Variants in EXOC4 observed in about 807,000 individuals in gnomAD.
EXOC4 encodes the protein exocyst complex component 4, also known as SEC8-like 1.
Under a neutral mutation model 107.2 loss-of-function variants are expected in EXOC4, and 71 were observed. That is an observed-to-expected ratio of 0.66 (90% CI 0.55 to 0.81). The LOEUF (loss-of-function observed/expected upper bound fraction) is 0.81. Among genes scored for constraint, EXOC4 ranks in the 30% least tolerant of loss-of-function variants. The pLI is 0.00. For synonymous variants in EXOC4, 456 were observed against 441.2 expected (o/e 1.03, Z -0.42); for missense variants, 1,108 against 1,189.6 (o/e 0.93, Z 1.01).
intron 9 of EXOC4, among the ~76,000 whole-genome samples, chr7:133,588,399 A>G (rs1288977290): frequency 1.3e-5 from 2 of 152,152 alleles, no homozygotes; most frequent in Non-Finnish European, 2.9e-5. Context: ...TTGTTTCAGT[A>G]TTTATGGTTT....
intron 10 of EXOC4, among the ~76,000 whole-genome samples, chr7:133,653,378 T>C (rs1803209117): frequency 1.3e-5 from 2 of 152,344 alleles, no homozygotes; most frequent in Admixed American, 6.5e-5. Flanking sequence ...GAATACTCAC[T>C]GTACTAAGAT....
chr7:133,476,651 A>G (rs1201303308), intron 8 of EXOC4, among the ~76,000 whole-genome samples: 2 of 152,190 alleles, frequency 1.3e-5, no homozygotes, highest in Non-Finnish European at 2.9e-5. Context: ...AATGAAATCT[A>G]TTCTGTTTAT....
At chr7:134,054,849 A>G (rs924632408) in intron 17 of EXOC4, among the ~76,000 whole-genome samples, 23 of 152,306 alleles carry the variant, frequency 1.5e-4, no homozygotes, top group Admixed American at 7.2e-4. Context: ...TTGTCAGAGT[A>G]TTTGGGTCTT....
At chr7:133,775,209 T>A (rs956853900) in intron 10 of EXOC4, among the ~76,000 whole-genome samples, 1 of 152,222 alleles carries the variant, frequency 6.6e-6, no homozygotes, top group African/African-American at 2.4e-5. Flanking sequence ...CAGGATTTCT[T>A]AATGTCTTTA....
chr7:133,689,823 T>C (rs1365284954), intron 10 of EXOC4, among the ~76,000 whole-genome samples: 1 of 152,168 alleles, frequency 6.6e-6, no homozygotes, highest in Non-Finnish European at 1.5e-5. Flanking sequence ...AAGACAAAAT[T>C]ACAACAAATT....
intron 17 of EXOC4, among the ~76,000 whole-genome samples, chr7:134,056,367 C>A (rs1375252255): frequency 6.6e-6 from 1 of 152,034 alleles, no homozygotes; most frequent in Non-Finnish European, 1.5e-5. Context: ...AAAATGAAGG[C>A]CCTAAATAAA....
chr7:133,439,666 G>C (rs1235979024), intron 7 of EXOC4, among the ~76,000 whole-genome samples: 1 of 152,152 alleles, frequency 6.6e-6, no homozygotes, highest in African/African-American at 2.4e-5. Context: ...ACTGACACAT[G>C]GTTACTTGGG....
chr7:133,943,857 A>T (rs1176523275), intron 14 of EXOC4, among the ~76,000 whole-genome samples: 1 of 152,030 alleles, frequency 6.6e-6, no homozygotes, highest in Non-Finnish European at 1.5e-5. Flanking sequence ...TGCTATAGTG[A>T]CCCTTTTCCA....
intron 10 of EXOC4, among the ~76,000 whole-genome samples, chr7:133,807,457 T>C (rs1285884616): frequency 6.6e-6 from 1 of 152,188 alleles, no homozygotes. Flanking sequence ...TTAGAGTCTC[T>C]GAAGGTCAAA....
At chr7:133,931,546 T>C (rs886159517) in intron 13 of EXOC4, among the ~76,000 whole-genome samples, 1 of 152,200 alleles carries the variant, frequency 6.6e-6, no homozygotes, top group Admixed American at 6.5e-5. Context: ...ACAAAAGTTA[T>C]GCTGCTAGGA....
At chr7:133,617,830 A>G (rs1802230791) in intron 9 of EXOC4, among the ~76,000 whole-genome samples, 1 of 152,166 alleles carries the variant, frequency 6.6e-6, no homozygotes, top group Non-Finnish European at 1.5e-5. Flanking sequence ...GGAAAGTTTA[A>G]AGTGAGAATT....
At chr7:133,427,166 C>T (rs962268011) in intron 7 of EXOC4, among the ~76,000 whole-genome samples, 5 of 151,904 alleles carry the variant, frequency 3.3e-5, no homozygotes, top group South Asian at 2.1e-4. Context: ...GTATGTCAGG[C>T]GCCTCATAAG....
At chr7:133,780,636 G>A (rs546988193) in intron 10 of EXOC4, among the ~76,000 whole-genome samples, 14 of 152,262 alleles carry the variant, frequency 9.2e-5, no homozygotes, top group Admixed American at 8.5e-4. Context: ...GAGCATTACA[G>A]TGTCATAAAG....
At chr7:133,557,187 T>TC (rs1800708416) in intron 9 of EXOC4, among the ~76,000 whole-genome samples, 1 of 152,136 alleles carries the variant, frequency 6.6e-6, no homozygotes, top group African/African-American at 2.4e-5. Context: ...CCTGACTTTT[T>TC]CAGAATGTTG....
intron 10 of EXOC4, among the ~76,000 whole-genome samples, chr7:133,753,379 A>G (rs35531336): frequency 0.093 from 14,166 of 152,276 alleles, 934 homozygotes; most frequent in Middle Eastern, 0.2. Context: ...TCCAAGGATG[A>G]CAGACACTTG....
chr7:133,612,780 A>G (rs1458048301), intron 9 of EXOC4, among the ~76,000 whole-genome samples: 1 of 152,210 alleles, frequency 6.6e-6, no homozygotes, highest in Non-Finnish European at 1.5e-5. Flanking sequence ...CAAAATGGAA[A>G]GGATTTACTG....
intron 6 of EXOC4, among the ~76,000 whole-genome samples, chr7:133,370,711 C>T (rs775348797): frequency 2.0e-5 from 3 of 152,150 alleles, no homozygotes; most frequent in Admixed American, 6.5e-5. Flanking sequence ...TTTGGGGTCG[C>T]AAGATTTATT....
chr7:133,466,823 G>A (rs1015627374), intron 7 of EXOC4, among the ~76,000 whole-genome samples: 3 of 152,016 alleles, frequency 2.0e-5, no homozygotes, highest in African/African-American at 7.2e-5. Context: ...ATGATTCATT[G>A]GGATTTATTT....
intron 9 of EXOC4, among the ~76,000 whole-genome samples, chr7:133,568,004 T>A (rs565880179): frequency 6.6e-6 from 1 of 152,352 alleles, no homozygotes; most frequent in Non-Finnish European, 1.5e-5. Flanking sequence ...TTTACACTTT[T>A]ACCAAGTAAT....
Sources: allele counts gnomAD v4.1 joint callset (sites outside exome capture counted in the v4.1 genomes callset), GRCh38; gene constraint gnomAD v4.1.1; transcripts MANE v1.5; gene names NCBI Gene and HGNC (gene_info 2026-07-23, HGNC 2026-07-21).